The following CNTNAP5 variants were observed in gnomAD, a reference collection of about 807,000 sequenced individuals.
CNTNAP5 encodes contactin associated protein family member 5, also known as contactin-associated protein-like 5.
A neutral mutation model predicts 150.2 loss-of-function variants in CNTNAP5; 72 were observed. The observed-to-expected ratio is 0.48, with a 90% CI of 0.40 to 0.58. CNTNAP5 has a LOEUF of 0.58. CNTNAP5 is among the 20% of genes least tolerant of loss of function. The pLI is 0.00. For synonymous variants in CNTNAP5, 672 were observed against 619.8 expected, an observed-to-expected ratio of 1.08 and a Z score of -1.25; for missense variants, 1,636 against 1,626.2, an observed-to-expected ratio of 1.01 and a Z score of -0.10.
chr2:124,034,158 T>A (rs1573705566), intron 1 of CNTNAP5, among the ~76,000 whole-genome samples: 1 of 152,314 alleles, frequency 6.6e-6, no homozygotes, highest in Non-Finnish European at 1.5e-5. Context: ...AGTTTGGGAT[T>A]GATTTAATTC....
At chr2:124,307,245 G>A (rs1297595583) in intron 3 of CNTNAP5, among the ~76,000 whole-genome samples, 1 of 152,138 alleles carries the variant, frequency 6.6e-6, no homozygotes, top group African/African-American at 2.4e-5. Flanking sequence ...TGGTGAGACA[G>A]AGAGAAAGAG....
chr2:124,569,665 A>G (rs1365604850), intron 11 of CNTNAP5, among the ~76,000 whole-genome samples: 1 of 152,150 alleles, frequency 6.6e-6, no homozygotes, highest in Non-Finnish European at 1.5e-5. Flanking sequence ...GCCTTTGCCA[A>G]TCCCTTTTCA....
intron 13 of CNTNAP5, among the ~76,000 whole-genome samples, chr2:124,666,009 A>G (rs899746622): frequency 1.3e-5 from 2 of 152,214 alleles, no homozygotes; most frequent in African/African-American, 4.8e-5. Flanking sequence ...TTTTAAAGGA[A>G]AAAACAAACT....
At chr2:124,790,535 C>T (rs1210639276) in intron 18 of CNTNAP5, among the ~76,000 whole-genome samples, 2 of 152,136 alleles carry the variant, frequency 1.3e-5, no homozygotes, top group Non-Finnish European at 2.9e-5. Flanking sequence ...ATACTTAAGC[C>T]ATCTTAAATT....
chr2:124,211,523 A>AACACAC (rs3063440), intron 1 of CNTNAP5, among the ~76,000 whole-genome samples: 170 of 149,874 alleles, frequency 1.1e-3, no homozygotes, highest in East Asian at 3.6e-3. Flanking sequence ...CACACACACA[A>AACACAC]ACACACACAC....
At chr2:124,674,643 G>T (rs576524221) in intron 13 of CNTNAP5, among the ~76,000 whole-genome samples, 9 of 148,028 alleles carry the variant, frequency 6.1e-5, no homozygotes, top group African/African-American at 2.2e-4. Context: ...TTTCCTCTAG[G>T]CCTGTTTTCT....
At chr2:124,493,096 G>T (rs1249798540) in intron 7 of CNTNAP5, among the ~76,000 whole-genome samples, 1 of 151,982 alleles carries the variant, frequency 6.6e-6, no homozygotes, top group Non-Finnish European at 1.5e-5. Context: ...TTAGCTATAG[G>T]TTTGTCTTAT....
intron 13 of CNTNAP5, among the ~76,000 whole-genome samples, chr2:124,729,418 C>T (rs1680224907): frequency 6.6e-6 from 1 of 151,650 alleles, no homozygotes; most frequent in South Asian, 2.1e-4. Flanking sequence ...ATTCTTTATC[C>T]TTGTCATATG....
chr2:124,750,982 CA>C (rs745635606), intron 14 of CNTNAP5, among the ~76,000 whole-genome samples: 3,280 of 75,436 alleles, frequency 0.043, 56 homozygotes, highest in African/African-American at 0.14. Context: ...GACTCCATCT[CA>C]AAAAAAAAAA....
chr2:124,368,102 A>G (rs1309432343), intron 3 of CNTNAP5, among the ~76,000 whole-genome samples: 2 of 152,206 alleles, frequency 1.3e-5, no homozygotes, highest in East Asian at 1.9e-4. Flanking sequence ...ACACTAGCCC[A>G]TGCGTTAGCC....
At chr2:124,182,674 C>A (rs1685238432) in intron 1 of CNTNAP5, among the ~76,000 whole-genome samples, 1 of 152,110 alleles carries the variant, frequency 6.6e-6, no homozygotes. Flanking sequence ...CACTAAAATT[C>A]TCCAATGTTT....
At chr2:124,855,167 CTTTTTTTT>C (rs70999224) in intron 19 of CNTNAP5, among the ~76,000 whole-genome samples, 6 of 71,480 alleles carry the variant, frequency 8.4e-5, no homozygotes, top group East Asian at 7.9e-4. Context: ...TGGGCTTTTG[CTTTTTTTT>C]TTTTTTTTTT....
intron 10 of CNTNAP5, among the ~76,000 whole-genome samples, chr2:124,531,529 C>T (rs2104895029): frequency 6.6e-6 from 1 of 152,326 alleles, no homozygotes; most frequent in East Asian, 1.9e-4. Flanking sequence ...GAGAGTGAGA[C>T]TGACTTACAT....
chr2:124,708,738 G>A (rs753269557), intron 13 of CNTNAP5, among the ~76,000 whole-genome samples: 7 of 152,024 alleles, frequency 4.6e-5, no homozygotes, highest in Admixed American at 1.3e-4. Flanking sequence ...TTTTGGTGGC[G>A]GTGGATTCCC....
chr2:124,737,933 A>T lies in CNTNAP5; in HGVS notation c.2078-9296A>T, dbSNP rs528161870. On this transcript the variant is annotated intron_variant, in intron 13 of 23. Coordinates refer to ENST00000682447, the MANE Select transcript of CNTNAP5 (RefSeq NM_001367498.1). ...AGCTAGAACATTAAAAAAAAGCATG[A>T]ATCTGCTTGGAATATTTTAAATGCT... Among the ~76,000 whole-genome samples the T allele has an allele frequency of 3.3e-5, 5 of 152,170 alleles. No homozygotes were observed. The East Asian group carries it at 9.7e-4, about 29-fold the overall frequency.
intron 7 of CNTNAP5, among the ~76,000 whole-genome samples, chr2:124,492,907 T>A (rs769784231): frequency 4.9e-4 from 75 of 152,302 alleles, no homozygotes; most frequent in Admixed American, 1.0e-3. Flanking sequence ...TATCATGTCA[T>A]CTACAAACAT....
intron 12 of CNTNAP5, among the ~76,000 whole-genome samples, chr2:124,645,945 C>G (rs574657606): frequency 5.9e-4 from 90 of 152,198 alleles, no homozygotes; most frequent in African/African-American, 2.0e-3. Flanking sequence ...GCACTTTAAA[C>G]AACCAGATGT....
chr2:124,646,049 A>G (rs916420490), intron 12 of CNTNAP5, among the ~76,000 whole-genome samples: 9 of 152,310 alleles, frequency 5.9e-5, no homozygotes, highest in African/African-American at 1.7e-4. Flanking sequence ...GGGGATTACA[A>G]TTCAACTTGA....
chr2:124,715,442 T>G (rs1679925121), intron 13 of CNTNAP5, among the ~76,000 whole-genome samples: 3 of 152,164 alleles, frequency 2.0e-5, no homozygotes. Flanking sequence ...CTAAATTTAT[T>G]ATGATCCTGA....
Sources: gnomAD v4.1 joint callset for allele counts (sites outside exome capture counted in the v4.1 genomes callset) on GRCh38, gnomAD v4.1.1 for gene constraint, MANE v1.5 for transcripts, NCBI Gene and HGNC (gene_info 2026-07-23, HGNC 2026-07-21) for gene names.